The following RASSF8 variants were observed in gnomAD, a reference collection of about 807,000 sequenced individuals.
RASSF8 encodes ras association domain-containing protein 8.
RASSF8 carries 22 observed loss-of-function variants against 48.5 expected under a neutral mutation model. The ratio of observed to expected loss-of-function variants is 0.45; its 90% CI spans 0.32 to 0.65. The LOEUF is 0.65. Ranked by LOEUF, RASSF8 falls within the 30% of genes least tolerant of loss-of-function variation. The pLI, the probability that RASSF8 is intolerant of heterozygous loss-of-function variation, is 0.03. For synonymous variants in RASSF8, 127 were observed against 171.5 expected, an observed-to-expected ratio of 0.74 and a Z score of 2.03; for missense variants, 418 against 489.2, an observed-to-expected ratio of 0.85 and a Z score of 1.37.
chr12:25,982,079 C>CT (rs1207377670), intron 1 of RASSF8, among the ~76,000 whole-genome samples: 3 of 151,188 alleles, frequency 2.0e-5, no homozygotes, highest in Admixed American at 6.6e-5. Flanking sequence ...GCAGGTGGAT[C>CT]TTTTTTTTTA....
chr12:26,015,707 T>G (rs1488043478), intron 2 of RASSF8, among the ~76,000 whole-genome samples: 2 of 152,256 alleles, frequency 1.3e-5, no homozygotes, highest in African/African-American at 4.8e-5. Flanking sequence ...ATACCTAAAG[T>G]TAGCGGACCT....
At chr12:26,036,689 C>T (rs1943157924) in intron 2 of RASSF8, among the ~76,000 whole-genome samples, 1 of 151,968 alleles carries the variant, frequency 6.6e-6, no homozygotes, top group Non-Finnish European at 1.5e-5. Flanking sequence ...AGGTGGATCA[C>T]CTGAGGTCAG....
chr12:26,016,687 G>A (rs191777508), intron 2 of RASSF8, among the ~76,000 whole-genome samples: 51 of 152,260 alleles, frequency 3.3e-4, no homozygotes, highest in African/African-American at 1.2e-3. Context: ...TATAAAATTA[G>A]TTTGTTGGCA....
intron 2 of RASSF8, among the ~76,000 whole-genome samples, chr12:26,039,365 A>G (rs1301065617): frequency 2.6e-5 from 4 of 151,046 alleles, no homozygotes; most frequent in Admixed American, 6.6e-5. Flanking sequence ...GTAGACTCCT[A>G]TTGAGGCTGG....
chr12:25,997,503 A>G (rs1942160549), intron 2 of RASSF8, among the ~76,000 whole-genome samples: 1 of 152,036 alleles, frequency 6.6e-6, no homozygotes, highest in Non-Finnish European at 1.5e-5. Context: ...AGGTTTTTCT[A>G]TCCCATGTAG....
intron 4 of RASSF8, among the ~76,000 whole-genome samples, chr12:26,065,827 C>G (rs1050040351): frequency 6.6e-6 from 1 of 152,204 alleles, no homozygotes; most frequent in Non-Finnish European, 1.5e-5. Context: ...CCCTTCTCCC[C>G]TCTCCACAGT....
At chr12:26,025,894 TAAAAA>T (rs966544889) in intron 2 of RASSF8, among the ~76,000 whole-genome samples, 2 of 150,270 alleles carry the variant, frequency 1.3e-5, no homozygotes, top group African/African-American at 2.4e-5. Flanking sequence ...AAGACCAAAA[TAAAAA>T]AAAAGACATC....
chr12:26,046,119 T>A (rs1418354366), intron 2 of RASSF8, among the ~76,000 whole-genome samples: 2 of 152,194 alleles, frequency 1.3e-5, no homozygotes, highest in Non-Finnish European at 2.9e-5. Context: ...CCTCAGGGGT[T>A]GTATATTCCT....
At chr12:26,040,762 T>C (rs1345761888) in intron 2 of RASSF8, among the ~76,000 whole-genome samples, 1 of 152,244 alleles carries the variant, frequency 6.6e-6, no homozygotes, top group African/African-American at 2.4e-5. Context: ...GGCTTTTTCC[T>C]GTTTTCTGGG....
chr12:26,038,184 T>G (rs1385434830), intron 2 of RASSF8, among the ~76,000 whole-genome samples: 1 of 152,210 alleles, frequency 6.6e-6, no homozygotes, highest in Non-Finnish European at 1.5e-5. Flanking sequence ...CCTACTGTTT[T>G]GTACTTTTAT....
intron 1 of RASSF8, among the ~76,000 whole-genome samples, chr12:25,961,962 C>T (rs1202164247): frequency 6.6e-6 from 1 of 152,098 alleles, no homozygotes; most frequent in Non-Finnish European, 1.5e-5. Context: ...CATCCTAATG[C>T]AAGCCACTGT....
downstream of RASSF8, among the ~76,000 whole-genome samples, chr12:26,073,776 CATAT>C (rs1555171943): frequency 8.7e-6 from 1 of 115,260 alleles, no homozygotes; most frequent in Non-Finnish European, 1.8e-5. Context: ...CACACACACA[CATAT>C]ATATATACAC....
chr12:26,034,684 C>T (rs575577986), intron 2 of RASSF8, among the ~76,000 whole-genome samples: 35 of 152,100 alleles, frequency 2.3e-4, no homozygotes, highest in South Asian at 1.0e-3. Context: ...TCCCATATTT[C>T]GAAATTAAGG....
chr12:25,989,067 G>A (rs757023478), intron 1 of RASSF8, among the ~76,000 whole-genome samples: 5 of 152,146 alleles, frequency 3.3e-5, no homozygotes, highest in African/African-American at 4.8e-5. Context: ...CTTACCAAGC[G>A]GTAGTAAAGA....
chr12:26,003,439 G>T lies in RASSF8; in HGVS notation c.-109+8309G>T, dbSNP rs73296971. On this transcript the variant is annotated intron_variant, in intron 2 of 5. Transcript: ENST00000689635. ...CTCTGTAATTCCCAATTCTGGCAGT[G>T]GGAGAAGTAAGGTAAGAATGCTCAT... Among the ~76,000 whole-genome samples the T allele has an allele frequency of 9.9e-3, 1,300 of 130,782 alleles. 15 individuals carry two copies. Among genetic ancestry groups the T allele is most frequent in the African/African-American group, 0.032 (1,233 of 39,016 alleles). The allele number at this position is 130,782 out of a possible 152,430, so 85.8% of individuals were successfully genotyped here.
intron 2 of RASSF8, among the ~76,000 whole-genome samples, chr12:26,053,696 T>C (rs766928371): frequency 3.0e-4 from 46 of 152,322 alleles, no homozygotes; most frequent in Non-Finnish European, 2.1e-4. Context: ...AGCACAGTTA[T>C]GGAATCAGCT....
chr12:26,074,353 T>G (rs1159842571), downstream of RASSF8, among the ~76,000 whole-genome samples: 1 of 150,462 alleles, frequency 6.6e-6, no homozygotes, highest in Non-Finnish European at 1.5e-5. Context: ...CTTCAGGAGG[T>G]TTTTTTTGAG....
intron 3 of RASSF8, among the ~76,000 whole-genome samples, chr12:26,058,759 A>G (rs1431614118): frequency 3.3e-5 from 5 of 152,254 alleles, no homozygotes; most frequent in African/African-American, 9.6e-5. Flanking sequence ...GCTAGAAACA[A>G]CATAGTTTGA....
chr12:26,005,710 G>A (rs1247785425), intron 2 of RASSF8, among the ~76,000 whole-genome samples: 1 of 152,154 alleles, frequency 6.6e-6, no homozygotes, highest in Admixed American at 6.6e-5. Flanking sequence ...GTTCATATCA[G>A]ATGGGAAAAA....
Sources: gnomAD v4.1 joint callset for allele counts (sites outside exome capture counted in the v4.1 genomes callset) on GRCh38, gnomAD v4.1.1 for gene constraint, MANE v1.5 for transcripts, NCBI Gene and HGNC (gene_info 2026-07-23, HGNC 2026-07-21) for gene names.